The following TNFSF4 variants were observed in gnomAD, a reference collection of about 807,000 sequenced individuals.
TNFSF4 encodes the protein tumor necrosis factor ligand superfamily member 4.
In TNFSF4, 4 loss-of-function variants were observed where a neutral mutation model predicts 7.3. The observed-to-expected ratio is 0.55, with a 90% CI of 0.27 to 1.25. TNFSF4 has a LOEUF of 1.25. TNFSF4 is among the 50% of genes most tolerant of loss of function. The probability of loss-of-function intolerance (pLI) is 0.12; values close to 1 mark genes in which losing one functional copy is unlikely to be tolerated. For missense variants in TNFSF4, 181 were observed against 208.8 expected, an observed-to-expected ratio of 0.87 and a Z score of 0.82; for synonymous variants, 76 against 83.7, an observed-to-expected ratio of 0.91 and a Z score of 0.50.
chr1:173,251,148 A>G, the TNFSF4 span, among the ~76,000 whole-genome samples: 1 of 152,240 alleles, frequency 6.6e-6, no homozygotes, highest in Non-Finnish European at 1.5e-5. Context: ...AATACAGTCC[A>G]TAGATACTAT....
the TNFSF4 span, among the ~76,000 whole-genome samples, chr1:173,370,299 C>G: frequency 1.2e-4 from 18 of 152,074 alleles, no homozygotes; most frequent in African/African-American, 4.1e-4. Flanking sequence ...TTTGGAGATA[C>G]CTGGTATCTT....
chr1:173,333,559 T>C, the TNFSF4 span, among the ~76,000 whole-genome samples: 1 of 151,896 alleles, frequency 6.6e-6, no homozygotes, highest in Admixed American at 6.6e-5. Context: ...GTGATGGGAA[T>C]AGAACACTAT....
chr1:173,337,780 C>A, the TNFSF4 span, among the ~76,000 whole-genome samples: 349 of 152,244 alleles, frequency 2.3e-3, no homozygotes, highest in Non-Finnish European at 3.6e-3. Flanking sequence ...GGCTGACGGT[C>A]AGGAACTTGG....
At chr1:173,411,822 T>A in the TNFSF4 span, among the ~76,000 whole-genome samples, 1 of 146,392 alleles carries the variant, frequency 6.8e-6, no homozygotes, top group African/African-American at 2.5e-5. Flanking sequence ...AAAAAAATTT[T>A]AAAAAGGAAA....
chr1:173,310,055 T>C, the TNFSF4 span, among the ~76,000 whole-genome samples: 1 of 152,050 alleles, frequency 6.6e-6, no homozygotes, highest in Non-Finnish European at 1.5e-5. Flanking sequence ...AAATTTGTGT[T>C]ATCCCTCTTT....
chr1:173,186,437 C>A lies in TNFSF4; in HGVS notation c.*79G>T. The A allele has an allele frequency of 8.2e-7, 1 of 1,214,900 alleles. No individual in the cohort carries two copies. Among genetic ancestry groups the A allele is most frequent in the Non-Finnish European group, 1.2e-6 (1 of 865,958 alleles). The allele number at this position is 1,214,900 out of a possible 1,614,324, so 75.3% of individuals were successfully genotyped here. Reference sequence around the variant, plus strand: ...CTGAGCTGGGAGGCTCCTTCACTTGCAATGAAGAATCCATGCCCTGTCCAC... The same window carrying A: ...CTGAGCTGGGAGGCTCCTTCACTTGAAATGAAGAATCCATGCCCTGTCCAC... On this transcript the variant is annotated 3_prime_UTR_variant, in exon 3 of 3. Transcript: ENST00000281834.
the TNFSF4 span, among the ~76,000 whole-genome samples, chr1:173,338,907 C>G: frequency 1.3e-5 from 2 of 152,072 alleles, no homozygotes; most frequent in African/African-American, 4.8e-5. Flanking sequence ...ACCTGGCTAC[C>G]AAAAGGAAAT....
At chr1:173,272,643 A>T in the TNFSF4 span, among the ~76,000 whole-genome samples, 1 of 152,174 alleles carries the variant, frequency 6.6e-6, no homozygotes, top group Non-Finnish European at 1.5e-5. Context: ...TTCTCAAAAC[A>T]TTCTTGTAAT....
At chr1:173,424,258 C>T in the TNFSF4 span, among the ~76,000 whole-genome samples, 1 of 152,178 alleles carries the variant, frequency 6.6e-6, no homozygotes, top group Non-Finnish European at 1.5e-5. Flanking sequence ...CTTTAGTCCA[C>T]ACGTATTTTG....
At chr1:173,179,304 A>T (rs973708912), downstream of TNFSF4, among the ~76,000 whole-genome samples, 2 of 152,230 alleles carry the variant, frequency 1.3e-5, no homozygotes, top group African/African-American at 4.8e-5. Flanking sequence ...AGCAATGGGC[A>T]TGAGTTGCAC....
the TNFSF4 span, among the ~76,000 whole-genome samples, chr1:173,348,965 G>A: frequency 6.6e-6 from 1 of 152,094 alleles, no homozygotes; most frequent in Non-Finnish European, 1.5e-5. Context: ...CTGAACAACG[G>A]TGAGCAGTGA....
the TNFSF4 span, among the ~76,000 whole-genome samples, chr1:173,386,119 G>A: frequency 2.6e-4 from 40 of 152,316 alleles, no homozygotes; most frequent in Admixed American, 2.2e-3. Context: ...CTCGAGGACC[G>A]TGAAGGCAGA....
the TNFSF4 span, among the ~76,000 whole-genome samples, chr1:173,283,681 T>C: frequency 1.3e-5 from 2 of 152,104 alleles, no homozygotes; most frequent in Non-Finnish European, 1.5e-5. Flanking sequence ...TCTAAGACTA[T>C]ATTTCAGTCA....
At chr1:173,207,784 C>T (rs1367298064), upstream of TNFSF4, among the ~76,000 whole-genome samples, 2 of 152,132 alleles carry the variant, frequency 1.3e-5, no homozygotes, top group Non-Finnish European at 2.9e-5. Context: ...GAAAATAGGA[C>T]ACTGGGTCAT....
downstream of TNFSF4, among the ~76,000 whole-genome samples, chr1:173,179,763 G>A (rs1649017532): frequency 6.6e-6 from 1 of 152,186 alleles, no homozygotes; most frequent in African/African-American, 2.4e-5. Flanking sequence ...TTAGAATGAA[G>A]AGGAATGGGA....
At chr1:173,409,535 G>T in the TNFSF4 span, among the ~76,000 whole-genome samples, 13 of 152,014 alleles carry the variant, frequency 8.6e-5, no homozygotes, top group Non-Finnish European at 1.6e-4. Context: ...TACTATTCTT[G>T]CCAGTTTTCT....
chr1:173,325,059 A>G, the TNFSF4 span, among the ~76,000 whole-genome samples: 1 of 152,232 alleles, frequency 6.6e-6, no homozygotes, highest in Non-Finnish European at 1.5e-5. Context: ...AACAGAATAT[A>G]CATTCTTTTC....
the TNFSF4 span, among the ~76,000 whole-genome samples, chr1:173,308,302 T>G: frequency 6.6e-6 from 1 of 150,474 alleles, no homozygotes; most frequent in Non-Finnish European, 1.5e-5. Context: ...TGTGTGTGTG[T>G]GTGTGTGTGT....
At chr1:173,254,397 C>CT in the TNFSF4 span, among the ~76,000 whole-genome samples, 5 of 151,514 alleles carry the variant, frequency 3.3e-5, no homozygotes, top group Non-Finnish European at 7.4e-5. Flanking sequence ...CTTCAGTTCA[C>CT]TTTTTTTTTC....
Sources: gnomAD v4.1 joint callset for allele counts (sites outside exome capture counted in the v4.1 genomes callset) on GRCh38, gnomAD v4.1.1 for gene constraint, MANE v1.5 for transcripts, NCBI Gene and HGNC (gene_info 2026-07-23, HGNC 2026-07-21) for gene names.